The following TRAF3IP1 variants were observed in gnomAD, a reference collection of about 807,000 sequenced individuals.
TRAF3IP1 encodes intraflagellar transport 54.
Under a neutral mutation model 89.9 loss-of-function variants are expected in TRAF3IP1, and 53 were observed. The observed-to-expected ratio is 0.59, with a 90% CI of 0.47 to 0.74. TRAF3IP1 has a LOEUF of 0.74. TRAF3IP1 is among the 30% of genes least tolerant of loss of function. TRAF3IP1 has a pLI of 0.00. For missense variants in TRAF3IP1, 806 were observed against 866.1 expected, an observed-to-expected ratio of 0.93 and a Z score of 0.87; for synonymous variants, 311 against 322.1, an observed-to-expected ratio of 0.97 and a Z score of 0.37.
chr2:238,333,206 G>C (rs1574900869), intron 6 of TRAF3IP1, among the ~76,000 whole-genome samples: 2 of 152,200 alleles, frequency 1.3e-5, no homozygotes, highest in African/African-American at 4.8e-5. Flanking sequence ...GTGGCACTCA[G>C]GATGAGTCTG....
chr2:238,347,090 TCAGACTGTTG>T lies in TRAF3IP1; in HGVS notation c.1262-362_1262-353del, dbSNP rs372922475. The T allele has an allele frequency of 1.4e-3, 294 of 215,530 alleles. 3 individuals carry two copies. The highest frequency in any genetic ancestry group is 6.6e-3 in the African/African-American group (281 of 42,864). The allele number at this position is 215,530 out of a possible 1,614,324, so 13.4% of individuals were successfully genotyped here. A position where few individuals can be genotyped will look rare whatever the true frequency, so the allele number is the denominator to read the frequency against. ...CGGCCCGGGATTTGGTTGGCCGGGT[TCAGACTGTTG>T]CATCGTTCCCTCACATTTGGATGCA... is the stretch of plus-strand genomic sequence containing the variant. On this transcript the variant is annotated intron_variant, in intron 9 of 16. Coordinates refer to ENST00000373327, the MANE Select transcript of TRAF3IP1 (RefSeq NM_015650.4).
intron 15 of TRAF3IP1, among the ~76,000 whole-genome samples, chr2:238,385,340 A>G (rs949086867): frequency 3.3e-5 from 5 of 152,176 alleles, no homozygotes; most frequent in Non-Finnish European, 2.9e-5. Flanking sequence ...AGTGTTGACT[A>G]CTTACCTTAC....
chr2:238,390,769 T>G (rs1305407780), intron 15 of TRAF3IP1, among the ~76,000 whole-genome samples: 1 of 152,152 alleles, frequency 6.6e-6, no homozygotes, highest in Non-Finnish European at 1.5e-5. Flanking sequence ...CATTTTCTTG[T>G]GAGGAAGCTG....
At chr2:238,359,693 C>T (rs1485824624) in intron 15 of TRAF3IP1, among the ~76,000 whole-genome samples, 1 of 152,054 alleles carries the variant, frequency 6.6e-6, no homozygotes, top group Non-Finnish European at 1.5e-5. Flanking sequence ...CATTAATGTT[C>T]AAGTCTTTGT....
chr2:238,326,733 G>A (rs2106360601), intron 3 of TRAF3IP1, among the ~76,000 whole-genome samples: 1 of 152,236 alleles, frequency 6.6e-6, no homozygotes, highest in East Asian at 1.9e-4. Flanking sequence ...GTGGGTGGTT[G>A]GCTGGGGGCT....
At chr2:238,360,815 G>T (rs1699624856) in intron 15 of TRAF3IP1, among the ~76,000 whole-genome samples, 1 of 152,066 alleles carries the variant, frequency 6.6e-6, no homozygotes, top group Non-Finnish European at 1.5e-5. Context: ...GGGAGGCGGA[G>T]GTTGCAGTGA....
chr2:238,349,259 CT>C, intron 11 of TRAF3IP1, 65 bp from the exon 12 acceptor site: 1 of 1,475,552 alleles, frequency 6.8e-7, no homozygotes, highest in Non-Finnish European at 9.3e-7. Context: ...CCTGGGCTTT[CT>C]TTTCCAGTTT....
intron 15 of TRAF3IP1, among the ~76,000 whole-genome samples, chr2:238,366,830 T>C (rs1559381037): frequency 1.3e-5 from 2 of 152,130 alleles, no homozygotes; most frequent in Non-Finnish European, 2.9e-5. Context: ...GACACATTAA[T>C]GGATATATGA....
At chr2:238,335,913 C>T (rs1698370994) in intron 7 of TRAF3IP1, among the ~76,000 whole-genome samples, 1 of 151,984 alleles carries the variant, frequency 6.6e-6, no homozygotes, top group South Asian at 2.1e-4. Context: ...GCCTCAGCCT[C>T]CTGAGTAGCT....
chr2:238,329,420 A>G, intron 5 of TRAF3IP1, 78 bp downstream of exon 5: 1 of 1,251,088 alleles, frequency 8.0e-7, no homozygotes, highest in Non-Finnish European at 1.0e-6. Context: ...TACCTTTCTT[A>G]CAATATGACT....
At chr2:238,356,355 G>C (rs1699406059) in intron 15 of TRAF3IP1, among the ~76,000 whole-genome samples, 2 of 152,114 alleles carry the variant, frequency 1.3e-5, no homozygotes, top group African/African-American at 4.8e-5. Flanking sequence ...AAATTACCCG[G>C]GTGTGGTGGC....
chr2:238,335,766 T>TTTTATTTTA (rs1166826330), intron 7 of TRAF3IP1, among the ~76,000 whole-genome samples: 10 of 137,126 alleles, frequency 7.3e-5, no homozygotes, highest in African/African-American at 1.9e-4. Flanking sequence ...TTTTATTTTA[T>TTTTATTTTA]TTTATTTATT....
intron 15 of TRAF3IP1, among the ~76,000 whole-genome samples, chr2:238,376,904 TA>T (rs1700338065): frequency 6.6e-6 from 1 of 152,174 alleles, no homozygotes; most frequent in Non-Finnish European, 1.5e-5. Context: ...GCTAATAACA[TA>T]GGTCATAGTG....
chr2:238,374,719 TG>T (rs1197095367), intron 15 of TRAF3IP1, among the ~76,000 whole-genome samples: 1 of 152,224 alleles, frequency 6.6e-6, no homozygotes, highest in Non-Finnish European at 1.5e-5. Flanking sequence ...AGCTCCTCTT[TG>T]TACCTCTGGT....
At chr2:238,325,586 G>T (rs1444311013) in intron 2 of TRAF3IP1, among the ~76,000 whole-genome samples, 1 of 152,182 alleles carries the variant, frequency 6.6e-6, no homozygotes, top group Non-Finnish European at 1.5e-5. Flanking sequence ...TGAAAAATGG[G>T]ATTAGTATTT....
chr2:238,358,142 G>A (rs1212807600), intron 15 of TRAF3IP1, among the ~76,000 whole-genome samples: 1 of 148,140 alleles, frequency 6.8e-6, no homozygotes, highest in Non-Finnish European at 1.5e-5. Context: ...TCAGAATCTC[G>A]CTCTGTTGCC....
intron 12 of TRAF3IP1, among the ~76,000 whole-genome samples, chr2:238,352,555 A>G (rs1285225985): frequency 6.6e-6 from 1 of 150,806 alleles, no homozygotes; most frequent in East Asian, 2.0e-4. Context: ...ACGGGAGGCC[A>G]GGTGTGGACC....
At chr2:238,335,001 T>C (rs1248664344) in intron 7 of TRAF3IP1, among the ~76,000 whole-genome samples, 2 of 152,210 alleles carry the variant, frequency 1.3e-5, no homozygotes, top group Admixed American at 1.3e-4. Flanking sequence ...CGTGTGAGTG[T>C]TTTGGGCGTC....
Position 238,379,695 on chromosome 2 carries a change from C to G in TRAF3IP1, c.1690-17764C>G, listed in dbSNP as rs887403554. Among the ~76,000 whole-genome samples, 1 of 152,150 alleles carries G rather than the reference C, an allele frequency of 6.6e-6. No individual in the cohort carries two copies. The highest frequency in any genetic ancestry group is 1.5e-5 in the Non-Finnish European group (1 of 68,036). On this transcript the variant is annotated intron_variant, in intron 15 of 16. Transcript: ENST00000373327. The surrounding 1 kb of genome is among the most constrained non-coding windows in gnomAD (Gnocchi z 4.0). The stretch of plus-strand genomic sequence containing the variant: ...ATGCCAGCCATTCAGTTCAGTGGGT[C>G]TCTTGTTGCCCAGTAACTACCTTTT...
Sources: allele counts gnomAD v4.1 joint callset (sites outside exome capture counted in the v4.1 genomes callset), GRCh38; gene constraint gnomAD v4.1.1; non-coding constraint Gnocchi (gnomAD v3.1); transcripts MANE v1.5; gene names NCBI Gene and HGNC (gene_info 2026-07-23, HGNC 2026-07-21).